Variants in CSNK1A1 observed in about 807,000 individuals in gnomAD.
The protein encoded by CSNK1A1 is casein kinase 1 alpha 1, also known as casein kinase I isoform alpha.
Under a neutral mutation model 46.1 loss-of-function variants are expected in CSNK1A1, and 7 were observed. That is an observed-to-expected ratio of 0.15 (90% CI 0.09 to 0.29). The LOEUF is 0.29. Among genes scored for constraint, CSNK1A1 ranks in the 10% least tolerant of loss-of-function variants. The pLI, the probability that CSNK1A1 is intolerant of heterozygous loss-of-function variation, is 1.00. For synonymous variants in CSNK1A1, 137 were observed against 141.5 expected (o/e 0.97, Z 0.23); for missense variants, 96 against 417.1 (o/e 0.23, Z 6.71).
At chr5:149,533,330 G>A (rs1388082949) in intron 2 of CSNK1A1, among the ~76,000 whole-genome samples, 1 of 152,028 alleles carries the variant, frequency 6.6e-6, no homozygotes, top group African/African-American at 2.4e-5. Context: ...CTATTGTGGG[G>A]GCACAAATTA....
chr5:149,520,467 T>G, intron 3 of CSNK1A1, 79 bp from the exon 4 acceptor site: 1 of 788,934 alleles, frequency 1.3e-6, no homozygotes, highest in Non-Finnish European at 2.1e-6. Flanking sequence ...TTTCAGTATC[T>G]CAATTATTTA....
At chr5:149,522,020 A>G (rs976852996) in intron 3 of CSNK1A1, among the ~76,000 whole-genome samples, 1 of 152,314 alleles carries the variant, frequency 6.6e-6, no homozygotes, top group East Asian at 1.9e-4. Flanking sequence ...TAAAACAAAC[A>G]ATCTTTTATC....
At position 149,551,124 on chromosome 5, in the gene CSNK1A1, G is replaced by T. The variant is rs893073838; in HGVS notation, c.-160C>A. The stretch of plus-strand genomic sequence containing the variant: ...GTTCGGGGCCCAGAATCAGCAGAGG[G>T]GAACCTGATCACCGCCGCTCAGTCA... On this transcript the variant is annotated 5_prime_UTR_variant, in exon 1 of 10. Transcript: ENST00000377843. 2 of 687,156 alleles carry T rather than the reference G, an allele frequency of 2.9e-6. No homozygotes were observed. Among genetic ancestry groups the T allele is most frequent in the African/African-American group, 3.6e-5 (2 of 55,018 alleles). The allele number at this position is 687,156 out of a possible 1,614,324, so 42.6% of individuals were successfully genotyped here. A position where few individuals can be genotyped will look rare whatever the true frequency, so the allele number is the denominator to read the frequency against.
chr5:149,520,400 AGAAG>A lies in CSNK1A1; in HGVS notation c.358-16_358-13del, dbSNP rs1761531692. ...ATTCTACTGATCATCTGGAAAAAAAAGAAGGGAGAGATAATTGAGTTAAGTAGTA... is the reference window on the plus strand; with the variant it reads ...ATTCTACTGATCATCTGGAAAAAAAAGGAGAGATAATTGAGTTAAGTAGTA... On this transcript the variant is annotated splice_polypyrimidine_tract_variant and intron_variant, in intron 3 of 9. Transcript: ENST00000377843. The A allele has an allele frequency of 6.9e-7, 1 of 1,446,776 alleles. No individual in the cohort carries two copies. Among genetic ancestry groups the A allele is most frequent in the African/African-American group, 1.4e-5 (1 of 71,376 alleles). 89.6% of individuals were successfully genotyped at this position (1,446,776 alleles called of 1,614,324 possible).
chr5:149,496,769 A>G lies in CSNK1A1; in HGVS notation c.*84T>C. On this transcript the variant is annotated 3_prime_UTR_variant, in exon 10 of 10. Coordinates refer to ENST00000377843, the MANE Select transcript of CSNK1A1 (RefSeq NM_001892.6). ...TGTCCACAACCACTGGCTAGTGTAC[A>G]TATGAACTAAAATTTCTAGATTTGG... 2 of 1,525,950 alleles carry G rather than the reference A, an allele frequency of 1.3e-6. No homozygotes were observed. The highest frequency in any genetic ancestry group is 2.3e-5 in the Admixed American group (1 of 44,094). 94.5% of individuals were successfully genotyped at this position (1,525,950 alleles called of 1,614,324 possible).
At chr5:149,544,735 C>CCATATATATATATATA (rs1762408202) in intron 2 of CSNK1A1, among the ~76,000 whole-genome samples, 1 of 21,688 alleles carries the variant, frequency 4.6e-5, no homozygotes, top group South Asian at 1.7e-3. Context: ...GGGTAAAGAG[C>CCATATATATATATATA]TTTATATATA....
intron 2 of CSNK1A1, among the ~76,000 whole-genome samples, chr5:149,544,735 C>CCA (rs1762408202): frequency 4.6e-5 from 1 of 21,688 alleles, no homozygotes; most frequent in Non-Finnish European, 7.4e-5. Context: ...GGGTAAAGAG[C>CCA]TTTATATATA....
intron 3 of CSNK1A1, among the ~76,000 whole-genome samples, chr5:149,523,737 T>C (rs1489296778): frequency 1.3e-5 from 2 of 152,256 alleles, no homozygotes; most frequent in African/African-American, 4.8e-5. Context: ...GATATTTTGT[T>C]ACATGTATAC....
rs1173171604 is a variant in CSNK1A1 at position 149,494,537 on chromosome 5, G to C, written c.*2316C>G. 1 of 152,186 alleles carries C rather than the reference G, an allele frequency of 6.6e-6. No homozygotes were observed. The highest frequency in any genetic ancestry group is 2.4e-5 in the African/African-American group (1 of 41,432). 9.4% of individuals were successfully genotyped at this position (152,186 alleles called of 1,614,324 possible). ...TGGTGAGGTCTTCCAATTTCAGAGT[G>C]ATGTGTCTTCAACTTGTATCATCAT... is the stretch of plus-strand genomic sequence containing the variant. On this transcript the variant is annotated 3_prime_UTR_variant, in exon 10 of 10. Transcript: ENST00000377843.
intron 2 of CSNK1A1, chr5:149,549,553 G>A (rs899324458): frequency 1.0e-5 from 7 of 700,174 alleles, no homozygotes; most frequent in African/African-American, 1.7e-5. Context: ...GTGAACTCAA[G>A]CTGAGAAAAG....
At chr5:149,535,278 T>A (rs977029012) in intron 2 of CSNK1A1, among the ~76,000 whole-genome samples, 6 of 152,216 alleles carry the variant, frequency 3.9e-5, no homozygotes, top group Admixed American at 1.3e-4. Flanking sequence ...TTCTCCACTA[T>A]CACTTACATG....
intron 4 of CSNK1A1, among the ~76,000 whole-genome samples, chr5:149,519,134 C>T (rs574048040): frequency 4.6e-5 from 7 of 152,028 alleles, no homozygotes; most frequent in African/African-American, 1.2e-4. Flanking sequence ...ATTTAAACAC[C>T]TTTCATTATT....
At position 149,550,282 on chromosome 5, in the gene CSNK1A1, A is replaced by G. The variant is rs371755992; in HGVS notation, c.124-101T>C. The G allele has an allele frequency of 3.2e-5, 48 of 1,508,520 alleles. No individual in the cohort carries two copies. The African/African-American group carries it at 5.6e-4, about 18-fold the overall frequency. 93.4% of individuals were successfully genotyped at this position (1,508,520 alleles called of 1,614,324 possible). On this transcript the variant is annotated intron_variant, in intron 1 of 9. Coordinates refer to ENST00000377843, the MANE Select transcript of CSNK1A1 (RefSeq NM_001892.6). The surrounding 1 kb of genome is among the most constrained non-coding windows in gnomAD (Gnocchi z 4.3). ...AGCAAAACTCCAAGTCGCGACTACA[A>G]GAAGAAGTGAAAAGCTGGAAAGAGA...
chr5:149,506,070 G>A (rs965378471), intron 8 of CSNK1A1, among the ~76,000 whole-genome samples: 2 of 151,998 alleles, frequency 1.3e-5, no homozygotes, highest in Non-Finnish European at 2.9e-5. Context: ...GGGATTACAG[G>A]CGCCTGCCAC....
At chr5:149,500,100 C>T (rs1342462065) in intron 9 of CSNK1A1, among the ~76,000 whole-genome samples, 2 of 141,136 alleles carry the variant, frequency 1.4e-5, no homozygotes, top group South Asian at 2.2e-4. Flanking sequence ...TCTCAAGTAG[C>T]TGGGACTACA....
chr5:149,523,139 C>G (rs534567571), intron 3 of CSNK1A1, among the ~76,000 whole-genome samples: 27 of 150,890 alleles, frequency 1.8e-4, no homozygotes, highest in African/African-American at 6.3e-4. Context: ...CTCCTGGGTT[C>G]ATGTGATTCT....
intron 2 of CSNK1A1, among the ~76,000 whole-genome samples, chr5:149,541,447 C>T (rs1580859249): frequency 6.6e-6 from 1 of 152,030 alleles, no homozygotes; most frequent in Non-Finnish European, 1.5e-5. Flanking sequence ...CATGAGCTAC[C>T]ACACCCGGCC....
At position 149,493,497 on chromosome 5, in the gene CSNK1A1, T is replaced by C. The variant is rs1322961044; in HGVS notation, c.*3356A>G. ...ATGTCCTCAAAACTGGTCTAACAAGTCATTTCAGAAAATAATTTCACTTCA... is the reference window on the plus strand; with the variant it reads ...ATGTCCTCAAAACTGGTCTAACAAGCCATTTCAGAAAATAATTTCACTTCA... On this transcript the variant is annotated 3_prime_UTR_variant, in exon 10 of 10. Coordinates refer to ENST00000377843, the MANE Select transcript of CSNK1A1 (RefSeq NM_001892.6). 1.3e-5 allele frequency: 2 copies of C among 151,854 alleles called. No homozygotes were observed. The highest frequency in any genetic ancestry group is 2.9e-5 in the Non-Finnish European group (2 of 68,006). 9.4% of individuals were successfully genotyped at this position (151,854 alleles called of 1,614,324 possible).
chr5:149,534,906 C>CA (rs537826461), intron 2 of CSNK1A1, among the ~76,000 whole-genome samples: 18,192 of 72,052 alleles, frequency 0.25, 1,507 homozygotes, highest in Middle Eastern at 0.37. Context: ...CCTTGTCTCC[C>CA]AAAAAAAAAA....
Sources: allele counts gnomAD v4.1 joint callset (sites outside exome capture counted in the v4.1 genomes callset), GRCh38; gene constraint gnomAD v4.1.1; non-coding constraint Gnocchi (gnomAD v3.1); transcripts MANE v1.5; gene names NCBI Gene and HGNC (gene_info 2026-07-23, HGNC 2026-07-21).